The following METTL2B variants were observed in gnomAD, a reference collection of about 807,000 sequenced individuals.
METTL2B encodes the protein tRNA N(3)-cytidine methyltransferase METTL2B.
Under a neutral mutation model 51.0 loss-of-function variants are expected in METTL2B, and 28 were observed. The ratio of observed to expected loss-of-function variants is 0.55; its 90% CI spans 0.41 to 0.75. METTL2B has a LOEUF of 0.75. METTL2B is among the 30% of genes least tolerant of loss of function. The probability of loss-of-function intolerance (pLI) is 0.00; values close to 1 mark genes in which losing one functional copy is unlikely to be tolerated. For synonymous variants in METTL2B, 128 were observed against 166.3 expected (o/e 0.77, Z 1.77); for missense variants, 313 against 460.7 (o/e 0.68, Z 2.93).
chr7:128,485,665 C>CAA (rs397756088), intron 4 of METTL2B, among the ~76,000 whole-genome samples: 1,326 of 130,382 alleles, frequency 0.01, 12 homozygotes, highest in South Asian at 0.022. Context: ...GACTCCGTCT[C>CAA]AAAAAAAAAA....
Position 128,476,852 on chromosome 7 carries a change from G to C in METTL2B, c.87G>C (p.Ala29=). ...QFGSRFLSDP[A]RVFHHNAWDN... ...GAAGCCGGTTCCTGAGCGATCCGGC[G>C]CGCGTCTTCCACCACAATGCCTGGT... is the stretch of plus-strand genomic sequence containing the variant. Residue 29 remains alanine, a synonymous_variant, in exon 1 of 9, where the codon GCG becomes GCC. Transcript: ENST00000262432. 1.2e-6 allele frequency: 2 copies of C among 1,614,022 alleles called. No individual in the cohort carries two copies. The highest frequency in any genetic ancestry group is 4.5e-5 in the East Asian group (2 of 44,878).
chr7:128,499,230 C>T lies in METTL2B; in HGVS notation c.916+1088C>T, dbSNP rs575823967. The stretch of plus-strand genomic sequence containing the variant: ...AGTGTTTAGTCAGTTCACAGAAGAA[C>T]GTATCTAAATGGCCAGTAAACAACA... On this transcript the variant is annotated intron_variant, in intron 7 of 8. Coordinates refer to ENST00000262432, the MANE Select transcript of METTL2B (RefSeq NM_018396.3). 1.8e-3 allele frequency among the ~76,000 whole-genome samples: 267 copies of T among 152,264 alleles called. 4 individuals carry two copies. In the Middle Eastern group the frequency reaches 0.027, roughly 16 times the overall value.
Position 128,502,501 on chromosome 7 carries a change from T to A in METTL2B, c.*585T>A, listed in dbSNP as rs1793047296. The A allele has an allele frequency of 2.4e-6, 1 of 424,678 alleles. No homozygotes were observed. The highest frequency in any genetic ancestry group is 4.6e-6 in the Non-Finnish European group (1 of 215,812). The allele number at this position is 424,678 out of a possible 1,614,324, so 26.3% of individuals were successfully genotyped here. ...TTATTAAGTTGTAGGGGAAGCAAGC[T>A]GGGAAGAATCAGATCAGATATTTTC... On this transcript the variant is annotated 3_prime_UTR_variant, in exon 9 of 9. Transcript: ENST00000262432.
chr7:128,491,367 G>A (rs1409740188), intron 5 of METTL2B, among the ~76,000 whole-genome samples: 3 of 151,854 alleles, frequency 2.0e-5, no homozygotes, highest in Non-Finnish European at 4.4e-5. Flanking sequence ...AGGCTAAGAC[G>A]GGCAGATCAT....
intron 5 of METTL2B, among the ~76,000 whole-genome samples, chr7:128,491,292 A>G (rs1792825268): frequency 6.6e-6 from 1 of 151,568 alleles, no homozygotes; most frequent in African/African-American, 2.4e-5. Context: ...CCCTGTCTCT[A>G]CTTTAAAAAA....
intron 7 of METTL2B, among the ~76,000 whole-genome samples, chr7:128,498,487 T>A (rs1162833744): frequency 2.0e-5 from 3 of 150,092 alleles, no homozygotes. Flanking sequence ...GAACTTAAAG[T>A]ATAATTTTAA....
intron 5 of METTL2B, chr7:128,488,667 A>G (rs534279942): frequency 1.1e-5 from 4 of 368,506 alleles, no homozygotes; most frequent in South Asian, 8.1e-5. Flanking sequence ...CAATATTGCA[A>G]TTAGGCCACT....
intron 3 of METTL2B, 103 bp from the exon 4 acceptor site, chr7:128,480,542 TAC>T (rs1799860571): frequency 1.3e-6 from 2 of 1,557,894 alleles, no homozygotes; most frequent in African/African-American, 1.4e-5. Flanking sequence ...CCTTCCCTAA[TAC>T]AGTTAGGCCA....
chr7:128,490,325 C>CT (rs56261578), intron 5 of METTL2B, among the ~76,000 whole-genome samples: 33,685 of 131,682 alleles, frequency 0.26, 5,067 homozygotes, highest in East Asian at 0.58. Context: ...TCAGGCTTCA[C>CT]TTTTTTTTTT....
At chr7:128,500,850 A>G in intron 7 of METTL2B, 53 bp from the exon 8 acceptor site, 1 of 1,606,174 alleles carries the variant, frequency 6.2e-7, no homozygotes, top group Non-Finnish European at 8.5e-7. Flanking sequence ...TTAGCAGTGC[A>G]AGTCAAAGAG....
At chr7:128,495,704 C>G (rs895938244) in intron 6 of METTL2B, among the ~76,000 whole-genome samples, 1 of 152,128 alleles carries the variant, frequency 6.6e-6, no homozygotes, top group Non-Finnish European at 1.5e-5. Flanking sequence ...CCACCCACCT[C>G]GGCATCCCAA....
rs1310212611 is a variant in METTL2B at position 128,504,465 on chromosome 7, G to A, written c.*2549G>A. 6.8e-6 allele frequency: 1 copy of A among 148,018 alleles called. No individual in the cohort carries two copies. The allele number at this position is 148,018 out of a possible 1,614,324, so 9.2% of individuals were successfully genotyped here. A position where few individuals can be genotyped will look rare whatever the true frequency, so the allele number is the denominator to read the frequency against. Reference sequence around the variant, plus strand: ...CCTCCCAAGTTTAAGTGATTCTCCTGCCTCAGCCTCCCAAGTAGCTGGAAT... The same window carrying A: ...CCTCCCAAGTTTAAGTGATTCTCCTACCTCAGCCTCCCAAGTAGCTGGAAT... On this transcript the variant is annotated 3_prime_UTR_variant, in exon 9 of 9. Coordinates refer to ENST00000262432, the MANE Select transcript of METTL2B (RefSeq NM_018396.3).
rs1793121731 is a variant in METTL2B, at chr7:128,506,470, CTG to C, written c.*4556_*4557del. On this transcript the variant is annotated 3_prime_UTR_variant, in exon 9 of 9. Coordinates refer to ENST00000262432, the MANE Select transcript of METTL2B (RefSeq NM_018396.3). The stretch of plus-strand genomic sequence containing the variant: ...TTTATCTCTCAGGCCAAATTTGACT[CTG>C]TAAGGGACTTTGCATAACGTTTCAT... The C allele has an allele frequency of 6.6e-6, 1 of 152,162 alleles. No homozygotes were observed. Among genetic ancestry groups the C allele is most frequent in the Admixed American group, 6.6e-5 (1 of 15,254 alleles). 9.4% of individuals were successfully genotyped at this position (152,162 alleles called of 1,614,324 possible).
intron 4 of METTL2B, 120 bp from the exon 5 acceptor site, chr7:128,487,981 C>T (rs1792749964): frequency 8.6e-7 from 1 of 1,168,678 alleles, no homozygotes; most frequent in South Asian, 1.5e-5. Flanking sequence ...CTAATAGATA[C>T]AGTTTATTTG....
rs199814237 is a variant in METTL2B, at chr7:128,479,389, C to T, written c.434C>T (p.Ser145Leu). Residue 145 changes from serine to leucine, a missense_variant, in exon 3 of 9, where the codon TCG (serine) becomes TTG (leucine). Coordinates refer to ENST00000262432, the MANE Select transcript of METTL2B (RefSeq NM_018396.3). ...LIMEEQHKCS[S>L]KSLEHKTQTP... ...ATGGAAGAACAGCACAAGTGTTCTTCGAAGAGCCTTGAACATAAAACACAG... is the reference window on the plus strand; with the variant it reads ...ATGGAAGAACAGCACAAGTGTTCTTTGAAGAGCCTTGAACATAAAACACAG... 77 of 1,614,078 alleles carry T rather than the reference C, an allele frequency of 4.8e-5. No homozygotes were observed. The South Asian group carries it at 5.1e-4, about 11-fold the overall frequency.
At chr7:128,487,035 G>C (rs1385814323) in intron 4 of METTL2B, among the ~76,000 whole-genome samples, 2 of 152,222 alleles carry the variant, frequency 1.3e-5, no homozygotes, top group Non-Finnish European at 2.9e-5. Flanking sequence ...GAAATGTTCT[G>C]CATCTTCACT....
chr7:128,486,676 G>C (rs1055306385), intron 4 of METTL2B, among the ~76,000 whole-genome samples: 1 of 151,980 alleles, frequency 6.6e-6, no homozygotes, highest in African/African-American at 2.4e-5. Context: ...TGAAATTCCA[G>C]CACCTGGGGA....
In METTL2B at chr7:128,489,830, G is replaced by A. The variant is rs1177227148; in HGVS notation, c.669+1669G>A. Among the ~76,000 whole-genome samples the A allele has an allele frequency of 1.3e-4, 19 of 151,098 alleles. 1 individual carries two copies. Among genetic ancestry groups the A allele is most frequent in the South Asian group, 4.2e-4 (2 of 4,734 alleles). On this transcript the variant is annotated intron_variant, in intron 5 of 8. Coordinates refer to ENST00000262432, the MANE Select transcript of METTL2B (RefSeq NM_018396.3). ...TTTTTAGTAGAGACGGGGTTTCACC[G>A]TTTTAGCTGGGATGGTCTCGATCTC...
intron 6 of METTL2B, 109 bp downstream of exon 6, chr7:128,494,052 G>A: frequency 7.4e-7 from 1 of 1,356,668 alleles, no homozygotes; most frequent in Non-Finnish European, 1.0e-6. Context: ...GAGTGCAGTG[G>A]CACGATCATG....
Sources: gnomAD v4.1 joint callset for allele counts (sites outside exome capture counted in the v4.1 genomes callset) on GRCh38, gnomAD v4.1.1 for gene constraint, MANE v1.5 for transcripts, NCBI Gene and HGNC (gene_info 2026-07-23, HGNC 2026-07-21) for gene names.